Variants in PTPRF observed in about 807,000 individuals in gnomAD.
The protein encoded by PTPRF is protein tyrosine phosphatase receptor type F.
A neutral mutation model predicts 201.8 loss-of-function variants in PTPRF; 59 were observed. The ratio of observed to expected loss-of-function variants is 0.29; its 90% CI spans 0.24 to 0.36. The LOEUF (loss-of-function observed/expected upper bound fraction) is 0.36. PTPRF is among the 10% of genes least tolerant of loss of function. PTPRF has a pLI of 1.00. For missense variants in PTPRF, 2,132 were observed against 2,690.5 expected (o/e 0.79, Z 4.59); for synonymous variants, 1,088 against 1,089.7 (o/e 1.00, Z 0.03).
At chr1:43,616,225 GATA>G (rs1657825793) in intron 23 of PTPRF, among the ~76,000 whole-genome samples, 2 of 150,592 alleles carry the variant, frequency 1.3e-5, no homozygotes, top group African/African-American at 4.9e-5. Flanking sequence ...AAAATGTGAA[GATA>G]ATAATGGAAC....
rs199933845 is a variant in PTPRF, at chr1:43,602,108, G to C, written c.2340+11G>C. The C allele has an allele frequency of 1.4e-5, 22 of 1,612,370 alleles. No homozygotes were observed. The highest frequency in any genetic ancestry group is 1.8e-5 in the Non-Finnish European group (21 of 1,178,484). On this transcript the variant is annotated intron_variant, in intron 14 of 33. Coordinates refer to ENST00000359947, the MANE Select transcript of PTPRF (RefSeq NM_002840.5). ...GAGTCCGAGGACTATGTAAGTAACA[G>C]GTGTGCGAACGCGGACAAGACATGG...
At chr1:43,609,821 G>A (rs2154028484) in intron 22 of PTPRF, among the ~76,000 whole-genome samples, 1 of 152,360 alleles carries the variant, frequency 6.6e-6, no homozygotes, top group Non-Finnish European at 1.5e-5. Flanking sequence ...CCACAGGGTG[G>A]CCAGTGTCTG....
At chr1:43,590,303 C>T (rs1011311656) in intron 8 of PTPRF, among the ~76,000 whole-genome samples, 7 of 152,112 alleles carry the variant, frequency 4.6e-5, no homozygotes, top group Non-Finnish European at 8.8e-5. Context: ...ATCATGAGTA[C>T]GATCGACTTG....
intron 3 of PTPRF, among the ~76,000 whole-genome samples, chr1:43,547,670 A>G (rs1396693156): frequency 5.3e-5 from 8 of 152,256 alleles, no homozygotes. Flanking sequence ...ATGTGTTTCA[A>G]TAGGCCTCTT....
chr1:43,558,742 C>T (rs1245518811), intron 5 of PTPRF, among the ~76,000 whole-genome samples: 2 of 152,162 alleles, frequency 1.3e-5, no homozygotes, highest in Admixed American at 6.5e-5. Context: ...TTTCCCTCAC[C>T]AGGGAGGGGG....
In PTPRF at chr1:43,606,263, C is replaced by T. The variant is rs762746848; in HGVS notation, c.3507C>T (p.Gly1169=). Residue 1169 remains glycine, a synonymous_variant, in exon 20 of 34, where the codon GGC becomes GGT. Transcript: ENST00000359947. ...AGCTTCTAGAAGCCATCGAGCAAGG[C>T]GGAGAGGAGCAGCGGCGGCGGCGGC... The part of the protein sequence containing the change: ...LDELLEAIEQ[G]GEEQRRRRRQ... 1.9e-5 allele frequency: 30 copies of T among 1,613,450 alleles called. 1 individual carries two copies. In the South Asian group the frequency reaches 2.0e-4, roughly 11 times the overall value.
At chr1:43,550,953 T>C (rs1329972254) in intron 3 of PTPRF, among the ~76,000 whole-genome samples, 2 of 152,176 alleles carry the variant, frequency 1.3e-5, no homozygotes, top group Non-Finnish European at 2.9e-5. Context: ...CGTTGCTCTT[T>C]AGAGGAGCCA....
chr1:43,530,115 T>G (rs1365840875), upstream of PTPRF, among the ~76,000 whole-genome samples: 1 of 152,010 alleles, frequency 6.6e-6, no homozygotes, highest in Non-Finnish European at 1.5e-5. The surrounding 1 kb of genome is among the most constrained non-coding windows in gnomAD (Gnocchi z 4.1). Flanking sequence ...TCCTAAATGG[T>G]CTCAAGTTTG....
At position 43,613,616 on chromosome 1, in the gene PTPRF, A is replaced by G. The variant is rs1444922523; in HGVS notation, c.3974-2A>G. 2 of 1,613,162 alleles carry G rather than the reference A, an allele frequency of 1.2e-6. No individual in the cohort carries two copies. The highest frequency in any genetic ancestry group is 3.3e-5 in the Admixed American group (2 of 60,014). ...TGCCTGTGTATGCCCTACCTCCCCT[A>G]GGTATGCGAGACCACCCACCCATCC... On this transcript the variant is annotated splice_acceptor_variant, in intron 22 of 33. Transcript: ENST00000359947. LOFTEE classifies it high-confidence loss of function.
intron 6 of PTPRF, among the ~76,000 whole-genome samples, chr1:43,571,134 A>G (rs896337634): frequency 1.3e-5 from 2 of 151,992 alleles, no homozygotes; most frequent in Non-Finnish European, 2.9e-5. Context: ...TTCCTTGCCT[A>G]TCACTCCACT....
rs72671149 is a variant in PTPRF at position 43,561,456 on chromosome 1, C to A, written c.379+7515C>A. On this transcript the variant is annotated intron_variant, in intron 5 of 33. Coordinates refer to ENST00000359947, the MANE Select transcript of PTPRF (RefSeq NM_002840.5). ...GGCTTCCCAAGTGGCAAGATGTGAT[C>A]CCTTTCTATTGTCTACATGTGTGTC... Among the ~76,000 whole-genome samples, 1,173 of 152,200 alleles carry A rather than the reference C, an allele frequency of 7.7e-3. 15 individuals are homozygous for A. Among genetic ancestry groups the A allele is most frequent in the Non-Finnish European group, 0.011 (768 of 68,008 alleles).
chr1:43,590,552 CCCTG>C (rs1252115466), intron 8 of PTPRF, among the ~76,000 whole-genome samples: 1 of 152,230 alleles, frequency 6.6e-6, no homozygotes, highest in Admixed American at 6.5e-5. Context: ...TCTCCCCTTC[CCCTG>C]CCTATTACAC....
At chr1:43,558,327 C>T (rs750258945) in intron 5 of PTPRF, among the ~76,000 whole-genome samples, 2 of 152,148 alleles carry the variant, frequency 1.3e-5, no homozygotes, top group East Asian at 1.9e-4. Context: ...CTGCCTTTGC[C>T]TCATGTCACA....
chr1:43,556,790 G>A (rs181528847), intron 5 of PTPRF, among the ~76,000 whole-genome samples: 3 of 152,364 alleles, frequency 2.0e-5, no homozygotes, highest in Non-Finnish European at 4.4e-5. Context: ...TGTGGTGGTG[G>A]TTGCTGTGGG....
rs1656819373 is a variant in PTPRF, at chr1:43,612,930, C to G, written c.3974-688C>G. 19 of 812,066 alleles carry G rather than the reference C, an allele frequency of 2.3e-5. No homozygotes were observed. The South Asian group carries it at 2.5e-4, about 11-fold the overall frequency. The allele number at this position is 812,066 out of a possible 1,614,324, so 50.3% of individuals were successfully genotyped here. The stretch of plus-strand genomic sequence containing the variant: ...TCTCTCCCCTTCCCTTTCTTCTCCC[C>G]CAATCCCACTGTCTCCTAACCTTTT... On this transcript the variant is annotated intron_variant, in intron 22 of 33. Transcript: ENST00000359947.
intron 6 of PTPRF, among the ~76,000 whole-genome samples, chr1:43,576,552 A>C (rs1646943823): frequency 6.6e-6 from 1 of 152,210 alleles, no homozygotes; most frequent in African/African-American, 2.4e-5. Context: ...GCCTCCACGC[A>C]GCAGGGCCCT....
At chr1:43,614,238 A>G (rs1389126700) in intron 23 of PTPRF, among the ~76,000 whole-genome samples, 1 of 152,186 alleles carries the variant, frequency 6.6e-6, no homozygotes, top group Non-Finnish European at 1.5e-5. Flanking sequence ...CAAACAGCTG[A>G]TGAGTAGTGG....
Position 43,617,815 on chromosome 1 carries a change from C to T in PTPRF, c.4275C>T (p.Gly1425=), listed in dbSNP as rs1233769038. The part of the protein sequence containing the change: ...RKQNAYIATQ[G]PLPETMGDFW... ...AGAATGCCTACATCGCCACGCAGGG[C>T]CCCCTGCCCGAGACCATGGGTGATT... The change falls in exon 25 of 34, where the codon GGC becomes GGT. Residue 1425 remains glycine, a synonymous_variant. Coordinates refer to ENST00000359947, the MANE Select transcript of PTPRF (RefSeq NM_002840.5). The T allele has an allele frequency of 6.2e-7, 1 of 1,614,046 alleles. No homozygotes were observed.
rs943813889 is a variant in PTPRF at position 43,622,279 on chromosome 1, G to A, written c.*276G>A. On this transcript the variant is annotated 3_prime_UTR_variant, in exon 34 of 34. Coordinates refer to ENST00000359947, the MANE Select transcript of PTPRF (RefSeq NM_002840.5). Reference sequence around the variant, plus strand: ...GCTTCAAGCTCTCTGTTGCGCTCCCGCATTTCTCATGCTTCTTCTCATGGG... The same window carrying A: ...GCTTCAAGCTCTCTGTTGCGCTCCCACATTTCTCATGCTTCTTCTCATGGG... 1.7e-5 allele frequency: 8 copies of A among 473,728 alleles called. No individual in the cohort carries two copies. The highest frequency in any genetic ancestry group is 3.9e-5 in the African/African-American group (2 of 51,266). 29.3% of individuals were successfully genotyped at this position (473,728 alleles called of 1,614,324 possible).
Sources: allele counts gnomAD v4.1 joint callset (sites outside exome capture counted in the v4.1 genomes callset), GRCh38; gene constraint gnomAD v4.1.1; non-coding constraint Gnocchi (gnomAD v3.1); transcripts MANE v1.5; gene names NCBI Gene and HGNC (gene_info 2026-07-23, HGNC 2026-07-21).